The following SYNPR variants were observed in gnomAD, a reference collection of about 807,000 sequenced individuals.
The protein encoded by SYNPR is synaptoporin.
SYNPR carries 23 observed loss-of-function variants against 32.9 expected under a neutral mutation model. The observed-to-expected ratio is 0.70, with a 90% CI of 0.50 to 0.99. SYNPR has a LOEUF of 0.99. Ranked by LOEUF, SYNPR falls within the 50% of genes least tolerant of loss-of-function variation. The pLI is 0.00. For missense variants in SYNPR, 318 were observed against 349.3 expected, an observed-to-expected ratio of 0.91 and a Z score of 0.71; for synonymous variants, 146 against 135.9, an observed-to-expected ratio of 1.07 and a Z score of -0.52.
chr3:63,237,244 G>A (rs768345306), intron 1 of SYNPR, among the ~76,000 whole-genome samples: 8 of 151,180 alleles, frequency 5.3e-5, no homozygotes, highest in Non-Finnish European at 8.9e-5. Flanking sequence ...TATTTTTTCA[G>A]CCTATTTTCT....
chr3:63,255,084 TG>T (rs1368672753), intron 2 of SYNPR, among the ~76,000 whole-genome samples: 2 of 152,196 alleles, frequency 1.3e-5, no homozygotes, highest in African/African-American at 2.4e-5. Context: ...CAGCCCTTGT[TG>T]GTTTTTACCC....
chr3:63,537,881 T>C (rs1337459718), intron 3 of SYNPR, among the ~76,000 whole-genome samples: 1 of 152,256 alleles, frequency 6.6e-6, no homozygotes, highest in Middle Eastern at 3.4e-3. Flanking sequence ...GGAATATTCT[T>C]GTACAACTAA....
intron 2 of SYNPR, among the ~76,000 whole-genome samples, chr3:63,415,168 G>T (rs1264834872): frequency 6.6e-6 from 1 of 152,052 alleles, no homozygotes; most frequent in Non-Finnish European, 1.5e-5. Context: ...AGTTCTTTAT[G>T]CATATCGTAT....
chr3:63,561,735 G>A (rs1702693177), intron 4 of SYNPR, among the ~76,000 whole-genome samples: 1 of 152,146 alleles, frequency 6.6e-6, no homozygotes, highest in African/African-American at 2.4e-5. Context: ...ATACCAATGA[G>A]AGAAAACAAA....
In SYNPR at chr3:63,441,353, G is replaced by T. The variant is rs555336395; in HGVS notation, c.85-39479G>T. ...GACTCTTAATATTCAGAGCCAATGA[G>T]AATTACTCACTGGGCTCCGTGAAGA... On this transcript the variant is annotated intron_variant, in intron 2 of 5. Transcript: ENST00000478300. Among the ~76,000 whole-genome samples, 4 of 152,280 alleles carry T rather than the reference G, an allele frequency of 2.6e-5. No individual in the cohort carries two copies. In the South Asian group the frequency reaches 8.3e-4, roughly 32 times the overall value.
At chr3:63,411,505 A>C (rs945468349) in intron 2 of SYNPR, among the ~76,000 whole-genome samples, 1 of 152,170 alleles carries the variant, frequency 6.6e-6, no homozygotes, top group African/African-American at 2.4e-5. Flanking sequence ...ATATAACTAC[A>C]AACTGATAAT....
At chr3:63,499,088 G>A (rs1701431127) in intron 3 of SYNPR, among the ~76,000 whole-genome samples, 1 of 152,034 alleles carries the variant, frequency 6.6e-6, no homozygotes, top group Non-Finnish European at 1.5e-5. Flanking sequence ...CAGTTAAATG[G>A]TGGTTACAGA....
intron 1 of SYNPR, among the ~76,000 whole-genome samples, chr3:63,252,182 AT>A (rs1461574583): frequency 6.6e-6 from 1 of 152,160 alleles, no homozygotes; most frequent in Non-Finnish European, 1.5e-5. Context: ...GAAAAATGCT[AT>A]GTGTTCTAAA....
chr3:63,227,719 G>T (rs974658806), upstream of SYNPR, among the ~76,000 whole-genome samples: 5 of 152,124 alleles, frequency 3.3e-5, no homozygotes, highest in East Asian at 3.9e-4. Context: ...GGTAAAATGC[G>T]CATGCAAGCT....
intron 4 of SYNPR, among the ~76,000 whole-genome samples, chr3:63,597,337 A>C (rs1362482637): frequency 6.6e-6 from 1 of 152,226 alleles, no homozygotes; most frequent in Non-Finnish European, 1.5e-5. Context: ...GAAGACAAAC[A>C]TACAAATGAA....
intron 4 of SYNPR, among the ~76,000 whole-genome samples, chr3:63,582,741 C>G (rs1703113270): frequency 1.3e-5 from 2 of 151,962 alleles, no homozygotes; most frequent in Admixed American, 1.3e-4. Flanking sequence ...GGTTAGGGAC[C>G]CAGGCTCTGG....
At chr3:63,417,554 C>G (rs113933551) in intron 2 of SYNPR, among the ~76,000 whole-genome samples, 1 of 152,236 alleles carries the variant, frequency 6.6e-6, no homozygotes, top group Non-Finnish European at 1.5e-5. Flanking sequence ...CATTTCCCTT[C>G]TGCACTTCCC....
chr3:63,411,796 A>C (rs1428669162), intron 2 of SYNPR, among the ~76,000 whole-genome samples: 1 of 152,160 alleles, frequency 6.6e-6, no homozygotes, highest in Non-Finnish European at 1.5e-5. Context: ...TCAGGGAAGA[A>C]CATGCAGAGT....
At chr3:63,352,359 A>T (rs1290306651) in intron 2 of SYNPR, among the ~76,000 whole-genome samples, 1 of 152,174 alleles carries the variant, frequency 6.6e-6, no homozygotes, top group Non-Finnish European at 1.5e-5. Flanking sequence ...ATTCGGCTGG[A>T]AAATCTGATT....
intron 3 of SYNPR, among the ~76,000 whole-genome samples, chr3:63,500,088 T>C (rs891619369): frequency 2.0e-5 from 3 of 152,182 alleles, no homozygotes; most frequent in African/African-American, 7.2e-5. Flanking sequence ...AAATAGATGG[T>C]ATTAAATAAG....
chr3:63,202,454 T>C, the SYNPR span, among the ~76,000 whole-genome samples: 1 of 152,162 alleles, frequency 6.6e-6, no homozygotes, highest in African/African-American at 2.4e-5. Context: ...AGCTTCAAAA[T>C]AACCATCACT....
At chr3:63,450,630 TG>T (rs1700361730) in intron 2 of SYNPR, among the ~76,000 whole-genome samples, 1 of 152,124 alleles carries the variant, frequency 6.6e-6, no homozygotes, top group Admixed American at 6.5e-5. Context: ...CAAACATCTT[TG>T]GGGGTTATTT....
At chr3:63,403,317 C>T (rs904076787) in intron 2 of SYNPR, among the ~76,000 whole-genome samples, 1 of 152,062 alleles carries the variant, frequency 6.6e-6, no homozygotes, top group Admixed American at 6.5e-5. Flanking sequence ...ATAATAGAGT[C>T]CACGAAGCCT....
intron 1 of SYNPR, among the ~76,000 whole-genome samples, chr3:63,247,533 G>C (rs2086301514): frequency 6.6e-6 from 1 of 152,056 alleles, no homozygotes; most frequent in Non-Finnish European, 1.5e-5. Flanking sequence ...TATGGAGTGT[G>C]CTGAGCTGGG....
Sources: gnomAD v4.1 joint callset for allele counts (sites outside exome capture counted in the v4.1 genomes callset) on GRCh38, gnomAD v4.1.1 for gene constraint, MANE v1.5 for transcripts, NCBI Gene and HGNC (gene_info 2026-07-23, HGNC 2026-07-21) for gene names.